The following COL13A1 variants were observed in gnomAD, a reference collection of about 807,000 sequenced individuals.
The protein encoded by COL13A1 is collagen type XIII alpha 1 chain.
In COL13A1, 89 loss-of-function variants were observed where a neutral mutation model predicts 130.9. That is an observed-to-expected ratio of 0.68 (90% CI 0.57 to 0.81). The LOEUF (loss-of-function observed/expected upper bound fraction) is 0.81, where lower values mean the gene tolerates loss of function less well. Among genes scored for constraint, COL13A1 ranks in the 30% least tolerant of loss-of-function variants. The probability of loss-of-function intolerance (pLI) is 0.00; values close to 1 mark genes in which losing one functional copy is unlikely to be tolerated. For missense variants in COL13A1, 879 were observed against 934.6 expected (o/e 0.94, Z 0.78); for synonymous variants, 402 against 341.6 (o/e 1.18, Z -1.95).
At chr10:69,930,224 G>T in intron 29 of COL13A1, 137 bp downstream of exon 29, 1 of 1,061,490 alleles carries the variant, frequency 9.4e-7, no homozygotes, top group Non-Finnish European at 1.4e-6. Context: ...GGGGGGCAGG[G>T]AGAGGGGCCC....
intron 13 of COL13A1, among the ~76,000 whole-genome samples, chr10:69,897,871 C>G (rs1025571408): frequency 6.6e-6 from 1 of 152,228 alleles, no homozygotes; most frequent in African/African-American, 2.4e-5. Flanking sequence ...ACGGGTTGCT[C>G]AGCTTCAATG....
intron 2 of COL13A1, among the ~76,000 whole-genome samples, chr10:69,860,539 C>G (rs77320300): frequency 0.01 from 1,536 of 152,340 alleles, 30 homozygotes; most frequent in African/African-American, 0.034. Context: ...TGTCGAGACA[C>G]CATTTCCCTC....
At chr10:69,860,644 AG>A in intron 2 of COL13A1, 1 of 173,134 alleles carries the variant, frequency 5.8e-6, no homozygotes. Context: ...TCCTCTTGCC[AG>A]GGGCTGGGCA....
rs766996604 is a variant in COL13A1, at chr10:69,952,940, C to T, written c.2117C>T (p.Ala706Val). Reference protein sequence around the residue: ...GPKGDKGDQGAPGLDAPCPLG... With the variant: ...GPKGDKGDQGVPGLDAPCPLG... ...AAAGGGGATAAGGGAGACCAAGGAG[C>T]GCCTGGATTAGATGCCCCCTGCCCA... The change falls in exon 39 of 41, where the codon GCG becomes GTG. Residue 706 changes from alanine (A) to valine (V), a missense_variant. This residue lies in a region of COL13A1 where 68 missense variants were observed against 65.8 expected (regional missense o/e 1.03). Transcript: ENST00000645393. The T allele has an allele frequency of 1.1e-5, 17 of 1,553,252 alleles. No homozygotes were observed. The Middle Eastern group carries it at 5.1e-4, about 46-fold the overall frequency.
Position 69,837,191 on chromosome 10 carries a change from C to T in COL13A1, c.364+14753C>T, listed in dbSNP as rs113570402. Among the ~76,000 whole-genome samples, 198 of 152,316 alleles carry T rather than the reference C, an allele frequency of 1.3e-3. 1 individual carries two copies. Among genetic ancestry groups the T allele is most frequent in the Middle Eastern group, 6.8e-3 (2 of 294 alleles). ...TCTCAACAAAGAACTTACTTTCCCT[C>T]GGGGTGTTCGGGAATCTGGACAATG... On this transcript the variant is annotated intron_variant, in intron 2 of 40. Transcript: ENST00000645393.
intron 2 of COL13A1, among the ~76,000 whole-genome samples, chr10:69,838,039 C>CA (rs1319147245): frequency 1.3e-5 from 2 of 152,250 alleles, no homozygotes; most frequent in Non-Finnish European, 2.9e-5. Flanking sequence ...CACAGGAGGC[C>CA]AGGGCCCTGT....
chr10:69,805,388 G>A (rs1841286360), intron 1 of COL13A1, among the ~76,000 whole-genome samples: 1 of 152,148 alleles, frequency 6.6e-6, no homozygotes, highest in African/African-American at 2.4e-5. Flanking sequence ...GCCAGAGGAA[G>A]GGAGCTGTCC....
rs760769794 is a variant in COL13A1, at chr10:69,802,610, T to C, written c.187T>C (p.Phe63Leu). The C allele has an allele frequency of 9.2e-5, 148 of 1,612,792 alleles. No homozygotes were observed. Among genetic ancestry groups the C allele is most frequent in the Non-Finnish European group, 1.2e-4 (138 of 1,179,438 alleles). The change falls in exon 1 of 41, where the codon TTT (phenylalanine) becomes CTT (leucine). Residue 63 changes from phenylalanine (F) to leucine (L), a missense_variant. Phe to Leu is a conservative substitution (Grantham distance 22). Around this residue, in one of 3 missense-constraint regions of COL13A1, gnomAD observed 715 missense variants for 721.0 expected, o/e 0.99. Coordinates refer to ENST00000645393, the MANE Select transcript of COL13A1 (RefSeq NM_001368882.1). ...CSLALSLLAH[F>L]RTAELQARVL... ...GCTGGCACTCAGCCTGCTCGCCCAC[T>C]TTCGGACGGCCGAGCTGCAGGCCCG...
chr10:69,897,619 G>A lies in COL13A1; in HGVS notation c.685-1078G>A, dbSNP rs562201470. On this transcript the variant is annotated intron_variant, in intron 13 of 40. Coordinates refer to ENST00000645393, the MANE Select transcript of COL13A1 (RefSeq NM_001368882.1). Reference sequence around the variant, plus strand: ...CCAACATTGCACATCCCCAGGCCCCGGCAGTGGGAGCGGGTGGAGCTCTGT... The same window carrying A: ...CCAACATTGCACATCCCCAGGCCCCAGCAGTGGGAGCGGGTGGAGCTCTGT... 719 of 1,446,830 alleles carry A rather than the reference G, an allele frequency of 5.0e-4. 4 individuals are homozygous for A. In the Middle Eastern group the frequency reaches 5.1e-3, roughly 10 times the overall value. 89.6% of individuals were successfully genotyped at this position (1,446,830 alleles called of 1,614,324 possible). A position where few individuals can be genotyped will look rare whatever the true frequency, so the allele number is the denominator to read the frequency against.
intron 2 of COL13A1, among the ~76,000 whole-genome samples, chr10:69,850,576 G>A (rs1854485569): frequency 6.6e-6 from 1 of 151,154 alleles, no homozygotes; most frequent in South Asian, 2.1e-4. Context: ...GCCTGCTCAG[G>A]GTACTGCTTT....
chr10:69,902,374 C>G (rs2062275036), intron 14 of COL13A1, among the ~76,000 whole-genome samples: 1 of 152,194 alleles, frequency 6.6e-6, no homozygotes, highest in Non-Finnish European at 1.5e-5. Context: ...GGGAGGGTGA[C>G]AGAGGCAGGC....
chr10:69,885,294 T>C (rs2060498485), intron 7 of COL13A1, among the ~76,000 whole-genome samples: 1 of 152,194 alleles, frequency 6.6e-6, no homozygotes, highest in African/African-American at 2.4e-5. Context: ...CAAAGAGTTA[T>C]TTTTCTTGAC....
chr10:69,853,384 C>G (rs1010707388), intron 2 of COL13A1, among the ~76,000 whole-genome samples: 1 of 152,138 alleles, frequency 6.6e-6, no homozygotes, highest in African/African-American at 2.4e-5. Flanking sequence ...TGAGTGACCT[C>G]GACTCAGCTT....
At chr10:69,889,552 C>T (rs1287138074) in intron 10 of COL13A1, 112 bp downstream of exon 10, 98 of 1,382,444 alleles carry the variant, frequency 7.1e-5, no homozygotes, top group Non-Finnish European at 6.0e-5. Flanking sequence ...AATGGCTGTC[C>T]ATGCTGGTCA....
At chr10:69,867,753 C>G in intron 2 of COL13A1, 45 bp from the exon 3 acceptor site, 1 of 718,046 alleles carries the variant, frequency 1.4e-6, no homozygotes, top group East Asian at 2.7e-5. Flanking sequence ...CCACCGCCCC[C>G]TACAGCAATG....
intron 2 of COL13A1, among the ~76,000 whole-genome samples, chr10:69,842,191 G>C (rs1189585181): frequency 6.6e-6 from 1 of 152,144 alleles, no homozygotes; most frequent in Non-Finnish European, 1.5e-5. Flanking sequence ...TAATGAATAA[G>C]TCTCGTGAGA....
chr10:69,821,090 G>T (rs1168194978), intron 1 of COL13A1, among the ~76,000 whole-genome samples: 2 of 152,190 alleles, frequency 1.3e-5, no homozygotes, highest in Admixed American at 6.5e-5. Flanking sequence ...ACCTTGTCAG[G>T]GTAGGGACTA....
chr10:69,936,128 A>AGAAGGAAG (rs1444456777), intron 32 of COL13A1, among the ~76,000 whole-genome samples: 22 of 92,244 alleles, frequency 2.4e-4, no homozygotes, highest in African/African-American at 1.1e-3. Context: ...AAGGAAGGAA[A>AGAAGGAAG]GAAGGAAGGA....
chr10:69,926,617 T>A (rs939483792), intron 26 of COL13A1, among the ~76,000 whole-genome samples: 3 of 152,200 alleles, frequency 2.0e-5, no homozygotes, highest in Non-Finnish European at 4.4e-5. Context: ...CCAACAATCA[T>A]CTCCCTGATC....
Sources: allele counts gnomAD v4.1 joint callset (sites outside exome capture counted in the v4.1 genomes callset), GRCh38; gene constraint gnomAD v4.1.1; regional missense constraint gnomAD v4.1.1; transcripts MANE v1.5; gene names NCBI Gene and HGNC (gene_info 2026-07-23, HGNC 2026-07-21).